Variants in RASEF observed in about 807,000 individuals in gnomAD.
The protein encoded by RASEF is RAS and EF-hand domain containing, also known as ras and EF-hand domain-containing protein.
Under a neutral mutation model 90.1 loss-of-function variants are expected in RASEF, and 68 were observed. The observed-to-expected ratio is 0.75, with a 90% CI of 0.62 to 0.92. The LOEUF is 0.92. Ranked by LOEUF, RASEF falls within the 40% of genes least tolerant of loss-of-function variation. The probability of loss-of-function intolerance (pLI) is 0.00; values close to 1 mark genes in which losing one functional copy is unlikely to be tolerated. For synonymous variants in RASEF, 331 were observed against 345.2 expected, an observed-to-expected ratio of 0.96 and a Z score of 0.46; for missense variants, 949 against 937.2, an observed-to-expected ratio of 1.01 and a Z score of -0.16.
At chr9:83,080,024 A>G in the RASEF span, among the ~76,000 whole-genome samples, 4 of 152,240 alleles carry the variant, frequency 2.6e-5, no homozygotes, top group African/African-American at 9.6e-5. Context: ...CTCATTAAGC[A>G]ATATTTTTAA....
the RASEF span, among the ~76,000 whole-genome samples, chr9:83,176,901 G>T: frequency 6.6e-6 from 1 of 152,014 alleles, no homozygotes; most frequent in African/African-American, 2.4e-5. Flanking sequence ...CAAGAGAAGA[G>T]CACAAAGCAA....
the RASEF span, among the ~76,000 whole-genome samples, chr9:83,214,039 T>C: frequency 6.6e-6 from 1 of 152,128 alleles, no homozygotes; most frequent in Non-Finnish European, 1.5e-5. Context: ...GAGCCATGAC[T>C]GCACCTGTGA....
At chr9:83,066,935 G>A (rs943193225), upstream of RASEF, among the ~76,000 whole-genome samples, 1 of 152,166 alleles carries the variant, frequency 6.6e-6, no homozygotes, top group Admixed American at 6.5e-5. Context: ...CATACTTGAG[G>A]AGACCTCGTG....
rs762991030 is a variant in RASEF at position 82,982,638 on chromosome 9, C to G, written c.*39G>C. ...AAATAAGTCACACAAATTCAGTATTCTGGAAATGAAGACTTCACAGGCCAA... is the reference window on the plus strand; with the variant it reads ...AAATAAGTCACACAAATTCAGTATTGTGGAAATGAAGACTTCACAGGCCAA... On this transcript the variant is annotated 3_prime_UTR_variant, in exon 17 of 17. Transcript: ENST00000376447. 20 of 1,098,582 alleles carry G rather than the reference C, an allele frequency of 1.8e-5. No homozygotes were observed. Among genetic ancestry groups the G allele is most frequent in the Admixed American group, 3.4e-5 (2 of 59,260 alleles). The allele number at this position is 1,098,582 out of a possible 1,614,324, so 68.1% of individuals were successfully genotyped here.
At chr9:83,013,647 G>C (rs1483647102) in intron 4 of RASEF, among the ~76,000 whole-genome samples, 1 of 152,162 alleles carries the variant, frequency 6.6e-6, no homozygotes, top group East Asian at 1.9e-4. Context: ...AAGTGAGAAA[G>C]CACAAACTGT....
the RASEF span, among the ~76,000 whole-genome samples, chr9:83,192,694 C>A: frequency 1.2e-3 from 180 of 151,028 alleles, no homozygotes; most frequent in African/African-American, 4.2e-3. Context: ...GCACAGGTAC[C>A]CCTGAACCTA....
chr9:83,087,068 C>T, the RASEF span, among the ~76,000 whole-genome samples: 1 of 152,128 alleles, frequency 6.6e-6, no homozygotes, highest in African/African-American at 2.4e-5. Flanking sequence ...TACTTTATCA[C>T]ATTTTCTGAT....
At position 83,053,820 on chromosome 9, in the gene RASEF, A is replaced by G. The variant is rs1231272818; in HGVS notation, c.431+8617T>C. On this transcript the variant is annotated intron_variant, in intron 1 of 16. Coordinates refer to ENST00000376447, the MANE Select transcript of RASEF (RefSeq NM_152573.4). ...CACTTATGAAGCTTAGTTTGGCTGG[A>G]TATGAAATTCTGGGTTGAAAATTCT... 2.5e-5 allele frequency among the ~76,000 whole-genome samples: 3 copies of G among 119,144 alleles called. No homozygotes were observed. In the East Asian group the frequency reaches 7.6e-4, roughly 30 times the overall value. 78.2% of individuals were successfully genotyped at this position (119,144 alleles called of 152,430 possible). A position where few individuals can be genotyped will look rare whatever the true frequency, so the allele number is the denominator to read the frequency against.
chr9:83,173,071 T>C, the RASEF span, among the ~76,000 whole-genome samples: 5 of 152,028 alleles, frequency 3.3e-5, no homozygotes, highest in Non-Finnish European at 5.9e-5. Context: ...GTCATCCTAA[T>C]TTCTTCTGGC....
At chr9:83,104,809 A>C in the RASEF span, among the ~76,000 whole-genome samples, 5 of 152,218 alleles carry the variant, frequency 3.3e-5, no homozygotes, top group Admixed American at 3.3e-4. Flanking sequence ...GTTCTCTAAA[A>C]ACATTTAACT....
intron 2 of RASEF, among the ~76,000 whole-genome samples, chr9:83,023,563 CCA>C (rs1255120976): frequency 2.6e-5 from 4 of 152,156 alleles, no homozygotes; most frequent in Non-Finnish European, 5.9e-5. Context: ...GAAAAAGACC[CCA>C]AAGTAAAATT....
rs556042790 is a variant in RASEF at position 83,005,621 on chromosome 9, C to G, written c.1029-121G>C. 18 of 725,320 alleles carry G rather than the reference C, an allele frequency of 2.5e-5. No homozygotes were observed. In the African/African-American group the frequency reaches 3.2e-4, roughly 13 times the overall value. 44.9% of individuals were successfully genotyped at this position (725,320 alleles called of 1,614,324 possible). Reference sequence around the variant, plus strand: ...TGGAATAGCTTATCATCTTCTGCAACTTTCCACCACTTCCCTTCAAACCTC... The same window carrying G: ...TGGAATAGCTTATCATCTTCTGCAAGTTTCCACCACTTCCCTTCAAACCTC... On this transcript the variant is annotated intron_variant, in intron 7 of 16. Transcript: ENST00000376447.
At chr9:83,003,849 CAT>C (rs1829081493) in intron 9 of RASEF, among the ~76,000 whole-genome samples, 1 of 152,146 alleles carries the variant, frequency 6.6e-6, no homozygotes, top group South Asian at 2.1e-4. Flanking sequence ...AAATTTTTGA[CAT>C]ATTACTAAAT....
intron 1 of RASEF, among the ~76,000 whole-genome samples, chr9:83,045,341 A>G (rs942481002): frequency 2.0e-5 from 3 of 152,210 alleles, no homozygotes; most frequent in Non-Finnish European, 4.4e-5. Flanking sequence ...TGATGAAAAG[A>G]GCTGAATAAG....
At chr9:83,123,118 T>C in the RASEF span, among the ~76,000 whole-genome samples, 1 of 151,746 alleles carries the variant, frequency 6.6e-6, no homozygotes, top group Non-Finnish European at 1.5e-5. Context: ...CGTATGCCTG[T>C]AATTGCAGCT....
rs535153462 is a variant in RASEF at position 83,016,632 on chromosome 9, A to G, written c.670-732T>C. ...GTTCTAAGGGACTGGGGACATGGGG[A>G]CAGAGAGGGGGATAATAAAACTGAT... On this transcript the variant is annotated intron_variant, in intron 3 of 16. Coordinates refer to ENST00000376447, the MANE Select transcript of RASEF (RefSeq NM_152573.4). 2.0e-5 allele frequency among the ~76,000 whole-genome samples: 3 copies of G among 152,246 alleles called. No individual in the cohort carries two copies. The East Asian group carries it at 5.8e-4, about 29-fold the overall frequency.
At chr9:82,989,110 G>A (rs954732082) in intron 16 of RASEF, among the ~76,000 whole-genome samples, 4 of 152,112 alleles carry the variant, frequency 2.6e-5, no homozygotes, top group Admixed American at 6.5e-5. Context: ...TCTTAAGTGA[G>A]GGCAACAGTT....
chr9:83,033,326 T>C (rs1829679130), intron 1 of RASEF, among the ~76,000 whole-genome samples: 1 of 152,184 alleles, frequency 6.6e-6, no homozygotes, highest in African/African-American at 2.4e-5. Flanking sequence ...TGACTATGAC[T>C]GAAAAGTTCT....
At chr9:83,129,357 A>G in the RASEF span, among the ~76,000 whole-genome samples, 1 of 151,336 alleles carries the variant, frequency 6.6e-6, no homozygotes, top group African/African-American at 2.4e-5. Flanking sequence ...CAGTGAGCTG[A>G]GATTGCACCA....
Sources: allele counts gnomAD v4.1 joint callset (sites outside exome capture counted in the v4.1 genomes callset), GRCh38; gene constraint gnomAD v4.1.1; transcripts MANE v1.5; gene names NCBI Gene and HGNC (gene_info 2026-07-23, HGNC 2026-07-21).